The following CXXC5 variants were observed in gnomAD, a reference collection of about 807,000 sequenced individuals.
CXXC5 encodes the protein CXXC-type zinc finger protein 5.
A neutral mutation model predicts 17.6 loss-of-function variants in CXXC5; 2 were observed. That is an observed-to-expected ratio of 0.11 (90% CI 0.05 to 0.36). CXXC5 has a LOEUF of 0.36. CXXC5 is among the 10% of genes least tolerant of loss of function. The pLI is 1.00. For synonymous variants in CXXC5, 171 were observed against 193.0 expected (o/e 0.89, Z 0.94); for missense variants, 343 against 458.3 (o/e 0.75, Z 2.30).
intron 1 of CXXC5, among the ~76,000 whole-genome samples, chr5:139,653,805 C>G (rs1428088508): frequency 1.3e-5 from 2 of 152,054 alleles, no homozygotes; most frequent in Non-Finnish European, 2.9e-5. Context: ...ATCGCAAATT[C>G]TTCTTCATTT....
At chr5:139,673,041 G>A (rs1437842278) in intron 1 of CXXC5, among the ~76,000 whole-genome samples, 1 of 152,146 alleles carries the variant, frequency 6.6e-6, no homozygotes, top group Admixed American at 6.5e-5. Flanking sequence ...GGGTACGTGG[G>A]CCTGATTTCT....
chr5:139,659,886 G>A (rs1471793140), intron 1 of CXXC5, among the ~76,000 whole-genome samples: 1 of 152,212 alleles, frequency 6.6e-6, no homozygotes, highest in African/African-American at 2.4e-5. Context: ...ATCCCTGGCT[G>A]TGTCTGCAAA....
In CXXC5 at chr5:139,678,259, A is replaced by G. The variant is rs546304440; in HGVS notation, c.-160-2105A>G. On this transcript the variant is annotated intron_variant, in intron 1 of 2. Coordinates refer to ENST00000302517, the MANE Select transcript of CXXC5 (RefSeq NM_016463.9). The stretch of plus-strand genomic sequence containing the variant: ...AGGGTCACTGATTCCTGAAAGGGTC[A>G]CCAGTCTCTGAGGAGAGGGGCTGAA... Among the ~76,000 whole-genome samples the G allele has an allele frequency of 5.9e-5, 9 of 152,342 alleles. No individual in the cohort carries two copies. In the South Asian group the frequency reaches 1.7e-3, roughly 28 times the overall value.
intron 1 of CXXC5, among the ~76,000 whole-genome samples, chr5:139,662,051 T>C (rs2126767530): frequency 6.6e-6 from 1 of 150,858 alleles, no homozygotes; most frequent in Admixed American, 6.6e-5. Flanking sequence ...GGCCAGCTGG[T>C]TCCCTGACCT....
At chr5:139,678,341 C>T (rs1366015199) in intron 1 of CXXC5, among the ~76,000 whole-genome samples, 3 of 152,232 alleles carry the variant, frequency 2.0e-5, no homozygotes, top group African/African-American at 4.8e-5. Flanking sequence ...TATCCTTGGA[C>T]ACACATGGTC....
chr5:139,665,187 G>A (rs557439133), intron 1 of CXXC5, among the ~76,000 whole-genome samples: 2 of 152,378 alleles, frequency 1.3e-5, no homozygotes, highest in Non-Finnish European at 2.9e-5. Flanking sequence ...GACGCTGCCC[G>A]CTCCTGCTCC....
chr5:139,667,663 TAGTC>T (rs909973402), intron 1 of CXXC5, among the ~76,000 whole-genome samples: 14 of 152,144 alleles, frequency 9.2e-5, no homozygotes, highest in South Asian at 2.1e-4. Context: ...GGAGGGTGAA[TAGTC>T]AGTCCTGTGC....
At chr5:139,649,319 C>T in intron 1 of CXXC5, 2 of 152,436 alleles carry the variant, frequency 1.3e-5, no homozygotes, top group Non-Finnish European at 2.9e-5. Context: ...GGGCAGCGGG[C>T]GCCCGGGGTC....
rs1428009647 is a variant in CXXC5, at chr5:139,668,321, C to G, written c.-160-12043C>G. 1.3e-5 allele frequency among the ~76,000 whole-genome samples: 2 copies of G among 152,090 alleles called. No homozygotes were observed. The highest frequency in any genetic ancestry group is 2.9e-5 in the Non-Finnish European group (2 of 67,976). ...TTGGCCCAGGCCTTCCCAGGCTGCCCGTCCCGCCGCGGCTCAGGGCGCCTC... is the reference window on the plus strand; with the variant it reads ...TTGGCCCAGGCCTTCCCAGGCTGCCGGTCCCGCCGCGGCTCAGGGCGCCTC... On this transcript the variant is annotated intron_variant, in intron 1 of 2. Coordinates refer to ENST00000302517, the MANE Select transcript of CXXC5 (RefSeq NM_016463.9). The surrounding 1 kb of genome is among the most constrained non-coding windows in gnomAD (Gnocchi z 4.1).
intron 2 of CXXC5, among the ~76,000 whole-genome samples, chr5:139,682,530 C>G (rs781548340): frequency 1.3e-5 from 2 of 152,216 alleles, no homozygotes; most frequent in African/African-American, 4.8e-5. Flanking sequence ...TATGCACACC[C>G]GTCGCACGTG....
chr5:139,671,863 G>T (rs1423114619), intron 1 of CXXC5, among the ~76,000 whole-genome samples: 1 of 152,202 alleles, frequency 6.6e-6, no homozygotes, highest in African/African-American at 2.4e-5. Context: ...CTCAGCCAGG[G>T]TTGGAGCACC....
chr5:139,670,542 C>A lies in CXXC5; in HGVS notation c.-160-9822C>A, dbSNP rs1184832074. 2.0e-5 allele frequency among the ~76,000 whole-genome samples: 3 copies of A among 152,338 alleles called. No homozygotes were observed. The highest frequency in any genetic ancestry group is 7.2e-5 in the African/African-American group (3 of 41,568). Reference sequence around the variant, plus strand: ...CCAGTAGGGCCCCAGACTCATACAGCCCAGAGCTCCTGACACAACTCACAG... The same window carrying A: ...CCAGTAGGGCCCCAGACTCATACAGACCAGAGCTCCTGACACAACTCACAG... On this transcript the variant is annotated intron_variant, in intron 1 of 2. Transcript: ENST00000302517. This position sits in a 1 kb window ranked among gnomAD's most constrained non-coding sequence, Gnocchi z 4.2.
intron 1 of CXXC5, among the ~76,000 whole-genome samples, chr5:139,655,761 ACCAG>A (rs1001756248): frequency 9.8e-5 from 1 of 10,170 alleles, no homozygotes; most frequent in African/African-American, 4.8e-4. Flanking sequence ...CCCCTCCCCC[ACCAG>A]CTGTGCCGGC....
Position 139,680,894 on chromosome 5 carries a change from C to A in CXXC5, c.371C>A (p.Ala124Asp). 6.2e-7 allele frequency: 1 copy of A among 1,605,144 alleles called. No individual in the cohort carries two copies. The part of the protein sequence containing the change: ...LLANGHDLAA[A>D]MAVDKSNPTS... ...GCCAATGGGCATGACCTGGCGGCGGCCATGGCGGTGGACAAAAGCAACCCT... is the reference window on the plus strand; with the variant it reads ...GCCAATGGGCATGACCTGGCGGCGGACATGGCGGTGGACAAAAGCAACCCT... The change falls in exon 2 of 3, where the codon GCC becomes GAC. Residue 124 changes from alanine to aspartate, a missense_variant. Transcript: ENST00000302517.
At chr5:139,657,312 T>G (rs901008521) in intron 1 of CXXC5, among the ~76,000 whole-genome samples, 3 of 152,252 alleles carry the variant, frequency 2.0e-5, no homozygotes, top group Non-Finnish European at 4.4e-5. Flanking sequence ...GTGTGCTGTT[T>G]CCTGCACCTT....
At chr5:139,677,363 A>T (rs1395150746) in intron 1 of CXXC5, among the ~76,000 whole-genome samples, 1 of 152,010 alleles carries the variant, frequency 6.6e-6, no homozygotes, top group Non-Finnish European at 1.5e-5. Flanking sequence ...GAAGACTGGG[A>T]CCTGGGAGAA....
Position 139,681,313 on chromosome 5 carries a change from G to A in CXXC5, c.790G>A (p.Gly264Ser). 2 of 1,612,850 alleles carry A rather than the reference G, an allele frequency of 1.2e-6. No homozygotes were observed. The highest frequency in any genetic ancestry group is 1.7e-6 in the Non-Finnish European group (2 of 1,179,936). Reference protein sequence around the residue: ...SSGKKKRKRCGMCAPCRRRIN... With the variant: ...SSGKKKRKRCSMCAPCRRRIN... ...CGGCAAGAAGAAGCGGAAACGCTGC[G>A]GCATGTGCGCGCCCTGCCGGCGGCG... The change falls in exon 2 of 3, where the codon GGC becomes AGC. Residue 264 changes from glycine to serine, a missense_variant. By Grantham distance (56) the Gly-to-Ser change is moderately conservative. Transcript: ENST00000302517.
In CXXC5 at chr5:139,668,075, C is replaced by T. The variant is rs1310667710; in HGVS notation, c.-160-12289C>T. 1.3e-5 allele frequency among the ~76,000 whole-genome samples: 2 copies of T among 152,020 alleles called. No individual in the cohort carries two copies. Among genetic ancestry groups the T allele is most frequent in the African/African-American group, 2.4e-5 (1 of 41,374 alleles). ...CCTCTCATCCCTTCCTGGGCTGGGC[C>T]TGCGGCACCCTCCCCAACCTCAGGT... On this transcript the variant is annotated intron_variant, in intron 1 of 2. Coordinates refer to ENST00000302517, the MANE Select transcript of CXXC5 (RefSeq NM_016463.9). The surrounding 1 kb of genome is among the most constrained non-coding windows in gnomAD (Gnocchi z 4.1).
At chr5:139,677,662 A>C (rs1000731858) in intron 1 of CXXC5, among the ~76,000 whole-genome samples, 10 of 152,168 alleles carry the variant, frequency 6.6e-5, no homozygotes, top group African/African-American at 2.4e-4. Context: ...GTGACATATC[A>C]CATCCTCTGG....
Sources: allele counts gnomAD v4.1 joint callset (sites outside exome capture counted in the v4.1 genomes callset), GRCh38; gene constraint gnomAD v4.1.1; non-coding constraint Gnocchi (gnomAD v3.1); transcripts MANE v1.5; gene names NCBI Gene and HGNC (gene_info 2026-07-23, HGNC 2026-07-21).